The following ATP8A2 variants were observed in gnomAD, a reference collection of about 807,000 sequenced individuals.
ATP8A2 encodes the protein phospholipid-transporting ATPase IB.
In ATP8A2, 100 loss-of-function variants were observed where a neutral mutation model predicts 165.6. The ratio of observed to expected loss-of-function variants is 0.60; its 90% confidence interval spans 0.51 to 0.71. ATP8A2 has a LOEUF of 0.71. Ranked by LOEUF, ATP8A2 falls within the 30% of genes least tolerant of loss-of-function variation. ATP8A2 has a pLI of 0.00. For missense variants in ATP8A2, 1,227 were observed against 1,479.5 expected (o/e 0.83, Z 2.80); for synonymous variants, 543 against 548.8 (o/e 0.99, Z 0.15).
chr13:25,436,713 C>A (rs1001833377), intron 1 of ATP8A2, among the ~76,000 whole-genome samples: 4 of 152,100 alleles, frequency 2.6e-5, no homozygotes, highest in African/African-American at 9.7e-5. Flanking sequence ...AACTAATTTA[C>A]ATTCCCACCA....
In ATP8A2 at chr13:25,713,350, T is replaced by C. The variant is rs150835604; in HGVS notation, c.2384+14005T>C. On this transcript the variant is annotated intron_variant, in intron 25 of 36. Transcript: ENST00000381655. The stretch of plus-strand genomic sequence containing the variant: ...ATTTAGAATTTTTCACCAGTTTATA[T>C]GCATTATGCTCTTCAAACTTGCTTT... Among the ~76,000 whole-genome samples, 391 of 152,342 alleles carry C rather than the reference T, an allele frequency of 2.6e-3. 2 individuals carry two copies. Among genetic ancestry groups the C allele is most frequent in the African/African-American group, 8.9e-3 (369 of 41,586 alleles).
At chr13:25,786,754 GTTTTTT>G (rs1555266490) in intron 27 of ATP8A2, among the ~76,000 whole-genome samples, 1 of 134,644 alleles carries the variant, frequency 7.4e-6, no homozygotes, top group Non-Finnish European at 1.6e-5. Flanking sequence ...ACAATTCTAT[GTTTTTT>G]TTTTTTTTTT....
intron 1 of ATP8A2, among the ~76,000 whole-genome samples, chr13:25,386,069 C>T (rs1566095232): frequency 6.6e-6 from 1 of 152,050 alleles, no homozygotes; most frequent in Non-Finnish European, 1.5e-5. Context: ...GCATAAGCCA[C>T]CACACCTGGC....
chr13:25,594,341 G>A (rs1045366671), intron 24 of ATP8A2, among the ~76,000 whole-genome samples: 2 of 152,130 alleles, frequency 1.3e-5, no homozygotes, highest in Admixed American at 6.5e-5. Flanking sequence ...TATAGAGAAC[G>A]CAGTGTAGCA....
At chr13:25,485,518 C>A (rs1247835733) in intron 2 of ATP8A2, among the ~76,000 whole-genome samples, 1 of 152,218 alleles carries the variant, frequency 6.6e-6, no homozygotes, top group African/African-American at 2.4e-5. Context: ...ACTGGGCCTA[C>A]ACATGAACAT....
rs117514090 is a variant in ATP8A2 at position 25,991,613 on chromosome 13, G to A, written c.3378-20918G>A. 1.8e-4 allele frequency among the ~76,000 whole-genome samples: 28 copies of A among 152,312 alleles called. No individual in the cohort carries two copies. The East Asian group carries it at 5.0e-3, about 27-fold the overall frequency. On this transcript the variant is annotated intron_variant, in intron 35 of 36. Transcript: ENST00000381655. ...TCTTATAACGTGTAACCTTTTGTTA[G>A]TGACATTTTCTTTCAGCATAATTCT...
chr13:25,535,173 A>G (rs2038238014), intron 6 of ATP8A2, among the ~76,000 whole-genome samples: 1 of 152,186 alleles, frequency 6.6e-6, no homozygotes, highest in Non-Finnish European at 1.5e-5. Context: ...TGAGTAGTTC[A>G]ATGTGAGGAT....
At chr13:25,613,610 A>G (rs1429892832) in intron 24 of ATP8A2, among the ~76,000 whole-genome samples, 1 of 152,170 alleles carries the variant, frequency 6.6e-6, no homozygotes, top group Non-Finnish European at 1.5e-5. Context: ...ACACAAAAAA[A>G]GAAGTTCTTG....
chr13:25,905,056 G>A (rs1593536100), intron 33 of ATP8A2, among the ~76,000 whole-genome samples: 1 of 151,020 alleles, frequency 6.6e-6, no homozygotes, highest in Admixed American at 6.6e-5. Context: ...AAGAGTGTGT[G>A]CCCAGCCTGG....
rs551096964 is a variant in ATP8A2, at chr13:25,620,922, TTAAA to T, written c.2211+31227_2211+31230del. On this transcript the variant is annotated intron_variant, in intron 24 of 36. Transcript: ENST00000381655. Reference sequence around the variant, plus strand: ...GCCATAGAGAAAGGGAAGGAGAGACTTAAATAATAAGAAAAACCTCAACAGATCT... The same window carrying T: ...GCCATAGAGAAAGGGAAGGAGAGACTTAATAAGAAAAACCTCAACAGATCT... 5.8e-3 allele frequency among the ~76,000 whole-genome samples: 877 copies of T among 152,252 alleles called. 7 individuals are homozygous for T. The highest frequency in any genetic ancestry group is 0.02 in the African/African-American group (833 of 41,550).
intron 35 of ATP8A2, among the ~76,000 whole-genome samples, chr13:25,991,911 G>T (rs1285995935): frequency 2.7e-4 from 38 of 142,192 alleles, no homozygotes; most frequent in Admixed American, 8.3e-4. Context: ...TTACTTTTAG[G>T]TTTTTTTTTT....
At chr13:25,956,073 A>C (rs1041060668) in intron 33 of ATP8A2, among the ~76,000 whole-genome samples, 6 of 152,102 alleles carry the variant, frequency 3.9e-5, no homozygotes, top group Non-Finnish European at 8.8e-5. Flanking sequence ...AAAATTCAAC[A>C]CCTCTTCTTG....
intron 26 of ATP8A2, among the ~76,000 whole-genome samples, chr13:25,771,725 T>C (rs1427649850): frequency 6.6e-6 from 1 of 152,200 alleles, no homozygotes; most frequent in African/African-American, 2.4e-5. Context: ...ATTTCTCCTG[T>C]CCATGGTCCT....
At chr13:25,491,114 T>G (rs993454048) in intron 2 of ATP8A2, among the ~76,000 whole-genome samples, 1 of 152,244 alleles carries the variant, frequency 6.6e-6, no homozygotes, top group Non-Finnish European at 1.5e-5. Flanking sequence ...TATTCTTCAA[T>G]GTAGCACATA....
chr13:25,660,013 T>G (rs2042015474), intron 24 of ATP8A2, among the ~76,000 whole-genome samples: 1 of 152,268 alleles, frequency 6.6e-6, no homozygotes, highest in Admixed American at 6.5e-5. Flanking sequence ...CAGTTGTTTC[T>G]ATTAGTAATA....
chr13:25,959,200 T>G (rs557276332), intron 33 of ATP8A2, among the ~76,000 whole-genome samples: 1 of 152,276 alleles, frequency 6.6e-6, no homozygotes, highest in African/African-American at 2.4e-5. Flanking sequence ...TTCTTGTGGT[T>G]TTCTTGGTTG....
intron 24 of ATP8A2, among the ~76,000 whole-genome samples, chr13:25,634,349 T>A (rs2041319128): frequency 6.6e-6 from 1 of 152,176 alleles, no homozygotes; most frequent in African/African-American, 2.4e-5. Context: ...AAGTAAATAC[T>A]CAGTAATTCT....
At position 25,644,517 on chromosome 13, in the gene ATP8A2, AT is replaced by A. The variant is rs35771674; in HGVS notation, c.2212-54645del. On this transcript the variant is annotated intron_variant, in intron 24 of 36. Transcript: ENST00000381655. ...TTCATCAAGGATATTGGCTTGCAGTATTTTTTTTTTTGTGATGTCCATGTTT... is the reference window on the plus strand; with the variant it reads ...TTCATCAAGGATATTGGCTTGCAGTATTTTTTTTTTGTGATGTCCATGTTT... Among the ~76,000 whole-genome samples, 107 of 147,764 alleles carry A rather than the reference AT, an allele frequency of 7.2e-4. 1 individual carries two copies. Among genetic ancestry groups the A allele is most frequent in the Non-Finnish European group, 1.3e-3 (85 of 67,138 alleles).
In ATP8A2 at chr13:26,022,284, A is replaced by G. The variant is rs1179806483; in HGVS notation, c.*2299A>G. 6.6e-6 allele frequency: 1 copy of G among 152,194 alleles called. No individual in the cohort carries two copies. The highest frequency in any genetic ancestry group is 6.5e-5 in the Admixed American group (1 of 15,278). 9.4% of individuals were successfully genotyped at this position (152,194 alleles called of 1,614,324 possible). ...TATTCATATTTTGTCTCATTTGGGA[A>G]CTAAGCCTATTTGGAAAGAGTGGAT... On this transcript the variant is annotated 3_prime_UTR_variant, in exon 37 of 37. Transcript: ENST00000381655.
Sources: gnomAD v4.1 joint callset for allele counts (sites outside exome capture counted in the v4.1 genomes callset) on GRCh38, gnomAD v4.1.1 for gene constraint, MANE v1.5 for transcripts, NCBI Gene and HGNC (gene_info 2026-07-23, HGNC 2026-07-21) for gene names.